SOCS5: variants seen among roughly 807,000 people sequenced by gnomAD.
The protein encoded by SOCS5 is suppressor of cytokine signaling 5, also known as CIS-6.
SOCS5 carries 32 observed loss-of-function variants against 42.8 expected under a neutral mutation model. The observed-to-expected ratio is 0.75, with a 90% CI of 0.56 to 1.01. The LOEUF is 1.01. Among genes scored for constraint, SOCS5 ranks in the 50% least tolerant of loss-of-function variants. The pLI is 0.00. For missense variants in SOCS5, 627 were observed against 653.0 expected, an observed-to-expected ratio of 0.96 and a Z score of 0.43; for synonymous variants, 283 against 229.6, an observed-to-expected ratio of 1.23 and a Z score of -2.10.
chr2:46,713,026 G>A (rs770265508), intron 1 of SOCS5, among the ~76,000 whole-genome samples: 2 of 152,134 alleles, frequency 1.3e-5, no homozygotes, highest in Non-Finnish European at 2.9e-5. Flanking sequence ...AGTTTTCTTT[G>A]TGGAAAGTTC....
chr2:46,717,911 G>T (rs964429117), intron 1 of SOCS5, among the ~76,000 whole-genome samples: 1 of 152,190 alleles, frequency 6.6e-6, no homozygotes, highest in Non-Finnish European at 1.5e-5. Context: ...TCACTGGTCT[G>T]ATGGAGTATT....
intron 1 of SOCS5, among the ~76,000 whole-genome samples, chr2:46,739,748 T>G (rs1673328169): frequency 6.6e-6 from 1 of 152,212 alleles, no homozygotes; most frequent in Admixed American, 6.5e-5. Context: ...CTAAATGGTA[T>G]AGTTTAGTTT....
At chr2:46,741,007 T>C (rs1324932615) in intron 1 of SOCS5, among the ~76,000 whole-genome samples, 1 of 152,174 alleles carries the variant, frequency 6.6e-6, no homozygotes, top group Admixed American at 6.5e-5. Flanking sequence ...CCTAATACTG[T>C]TTGAGAAAGT....
rs1188235496 is a variant in SOCS5, at chr2:46,762,998, C to T, written c.*2857C>T. The T allele has an allele frequency of 6.0e-6, 1 of 166,984 alleles. No homozygotes were observed. The highest frequency in any genetic ancestry group is 1.5e-5 in the Non-Finnish European group (1 of 68,090). The allele number at this position is 166,984 out of a possible 1,614,324, so 10.3% of individuals were successfully genotyped here. On this transcript the variant is annotated 3_prime_UTR_variant, in exon 2 of 2. Transcript: ENST00000394861. ...ATGGCATTTCCACCTGATACAAAAA[C>T]ATTTAGAGATCTTATTCTATAGATA...
At chr2:46,706,317 T>C (rs1338922844) in intron 1 of SOCS5, among the ~76,000 whole-genome samples, 1 of 152,220 alleles carries the variant, frequency 6.6e-6, no homozygotes, top group African/African-American at 2.4e-5. Flanking sequence ...TGTGCTAGTC[T>C]TTTGATTGTT....
intron 1 of SOCS5, among the ~76,000 whole-genome samples, chr2:46,700,406 T>C (rs1431208648): frequency 6.6e-6 from 1 of 152,224 alleles, no homozygotes; most frequent in African/African-American, 2.4e-5. Context: ...AACCTCTCTA[T>C]CCATAGTGGT....
intron 1 of SOCS5, among the ~76,000 whole-genome samples, chr2:46,726,672 T>C (rs1184702573): frequency 6.6e-6 from 1 of 152,044 alleles, no homozygotes; most frequent in Non-Finnish European, 1.5e-5. Context: ...CTTTCCTATG[T>C]CATCTCCATT....
chr2:46,758,598 G>C lies in SOCS5; in HGVS notation c.68G>C (p.Gly23Ala). 1 of 1,613,586 alleles carries C rather than the reference G, an allele frequency of 6.2e-7. No individual in the cohort carries two copies. Among genetic ancestry groups the C allele is most frequent in the South Asian group, 1.1e-5 (1 of 91,014 alleles). ...TGTCAGAATCTCTTCGGTCATGAGG[G>C]AGGAAGCCGTAGTGAAAATGTGGAC... Reference protein sequence around the residue: ...YRCQNLFGHEGGSRSENVDMN... With the variant: ...YRCQNLFGHEAGSRSENVDMN... The change falls in exon 2 of 2, where the codon GGA (glycine) becomes GCA (alanine). Residue 23 changes from glycine to alanine, a missense_variant. By Grantham distance (60) the Gly-to-Ala change is moderately conservative. Transcript: ENST00000394861.
intron 1 of SOCS5, among the ~76,000 whole-genome samples, chr2:46,743,897 A>T (rs1183443261): frequency 6.6e-6 from 1 of 152,194 alleles, no homozygotes; most frequent in African/African-American, 2.4e-5. Context: ...AAGGAAGCAT[A>T]TCAGTTTTTT....
intron 1 of SOCS5, among the ~76,000 whole-genome samples, chr2:46,702,738 A>G (rs1672371659): frequency 6.6e-6 from 1 of 152,186 alleles, no homozygotes; most frequent in Non-Finnish European, 1.5e-5. Context: ...GTTCTTTTTA[A>G]TTTGCTGTAA....
At chr2:46,703,507 G>T (rs1672392154) in intron 1 of SOCS5, among the ~76,000 whole-genome samples, 1 of 152,050 alleles carries the variant, frequency 6.6e-6, no homozygotes, top group East Asian at 1.9e-4. Flanking sequence ...AATTTCATAG[G>T]TACTCTCTTC....
intron 1 of SOCS5, among the ~76,000 whole-genome samples, chr2:46,720,357 T>A (rs1206591267): frequency 6.6e-6 from 1 of 152,204 alleles, no homozygotes; most frequent in Non-Finnish European, 1.5e-5. Flanking sequence ...ATTACTTCAT[T>A]TACAAGAATA....
At chr2:46,719,978 C>A (rs1197095664) in intron 1 of SOCS5, among the ~76,000 whole-genome samples, 1 of 152,112 alleles carries the variant, frequency 6.6e-6, no homozygotes, top group Non-Finnish European at 1.5e-5. Flanking sequence ...TATTAAGAAA[C>A]AATATCAAGC....
chr2:46,736,903 C>G (rs947643174), intron 1 of SOCS5, among the ~76,000 whole-genome samples: 1 of 151,194 alleles, frequency 6.6e-6, no homozygotes, highest in African/African-American at 2.4e-5. Flanking sequence ...TGTGGAAATT[C>G]GAAATGTTCC....
chr2:46,754,178 T>A (rs1229699764), intron 1 of SOCS5, among the ~76,000 whole-genome samples: 1 of 152,140 alleles, frequency 6.6e-6, no homozygotes, highest in Non-Finnish European at 1.5e-5. Flanking sequence ...TCAGAGTAGG[T>A]CTACTAGTTA....
At chr2:46,736,470 A>G (rs1673248461) in intron 1 of SOCS5, among the ~76,000 whole-genome samples, 1 of 152,142 alleles carries the variant, frequency 6.6e-6, no homozygotes, top group Admixed American at 6.5e-5. Flanking sequence ...ACTCATTAAA[A>G]ACTAACCTCA....
chr2:46,709,416 T>G (rs1214743429), intron 1 of SOCS5, among the ~76,000 whole-genome samples: 1 of 152,214 alleles, frequency 6.6e-6, no homozygotes, highest in Non-Finnish European at 1.5e-5. Context: ...AGGAAGATCT[T>G]CAAGTGCTGA....
At chr2:46,706,914 C>G (rs1672505964) in intron 1 of SOCS5, among the ~76,000 whole-genome samples, 1 of 152,072 alleles carries the variant, frequency 6.6e-6, no homozygotes, top group Non-Finnish European at 1.5e-5. Context: ...TAAGAAAGTA[C>G]CAACGGCAGC....
intron 1 of SOCS5, among the ~76,000 whole-genome samples, chr2:46,701,058 A>G (rs1307502404): frequency 1.3e-5 from 2 of 152,214 alleles, no homozygotes; most frequent in East Asian, 1.9e-4. Flanking sequence ...GGATAATTAT[A>G]TATATTTTCT....
Sources: gnomAD v4.1 joint callset for allele counts (sites outside exome capture counted in the v4.1 genomes callset) on GRCh38, gnomAD v4.1.1 for gene constraint, MANE v1.5 for transcripts, NCBI Gene and HGNC (gene_info 2026-07-23, HGNC 2026-07-21) for gene names.